SCN1B: variants seen among roughly 807,000 people sequenced by gnomAD.
SCN1B encodes sodium channel regulatory subunit beta-1.
SCN1B carries 11 observed loss-of-function variants against 25.7 expected under a neutral mutation model. That is an observed-to-expected ratio of 0.43 (90% CI 0.27 to 0.71). SCN1B has a LOEUF of 0.71. SCN1B is among the 30% of genes least tolerant of loss of function. The pLI is 0.21. For missense variants in SCN1B, 224 were observed against 291.5 expected, an observed-to-expected ratio of 0.77 and a Z score of 1.69; for synonymous variants, 119 against 117.5, an observed-to-expected ratio of 1.01 and a Z score of -0.08.
Position 35,030,730 on chromosome 19 carries a change from G to C in SCN1B, c.-91G>C. 1 of 407,908 alleles carries C rather than the reference G, an allele frequency of 2.5e-6. No individual in the cohort carries two copies. The highest frequency in any genetic ancestry group is 4.5e-6 in the Non-Finnish European group (1 of 222,816). 25.3% of individuals were successfully genotyped at this position (407,908 alleles called of 1,614,324 possible). A position where few individuals can be genotyped will look rare whatever the true frequency, so the allele number is the denominator to read the frequency against. On this transcript the variant is annotated 5_prime_UTR_variant, in exon 1 of 6. Transcript: ENST00000262631. ...GCTGCTGCGCCCGCGCGCTCCCGGG[G>C]ACATTCTAACCGCCGCCAGGTCCCG...
rs917553151 is a variant in SCN1B at position 35,032,304 on chromosome 19, C to A, written c.41-224C>A. Among the ~76,000 whole-genome samples the A allele has an allele frequency of 1.3e-5, 2 of 152,188 alleles. No homozygotes were observed. The highest frequency in any genetic ancestry group is 4.8e-5 in the African/African-American group (2 of 41,438). Reference sequence around the variant, plus strand: ...ACCTAATGTATGAAAATGGGCCCAGCCATTGCTGGAAGCAAAGGACCATTT... The same window carrying A: ...ACCTAATGTATGAAAATGGGCCCAGACATTGCTGGAAGCAAAGGACCATTT... On this transcript the variant is annotated intron_variant, in intron 1 of 5. Transcript: ENST00000262631. The surrounding 1 kb of genome is among the most constrained non-coding windows in gnomAD (Gnocchi z 4.3).
Position 35,033,480 on chromosome 19 carries a change from C to G in SCN1B, c.208-19C>G. On this transcript the variant is annotated intron_variant, in intron 2 of 5. Coordinates refer to ENST00000262631, the MANE Select transcript of SCN1B (RefSeq NM_001037.5). ...AGAGGCCCAGGCAGTGACACCTTCCCCTCCCTGGCTACCCCTAGATCCTGC... is the reference window on the plus strand; with the variant it reads ...AGAGGCCCAGGCAGTGACACCTTCCGCTCCCTGGCTACCCCTAGATCCTGC... 6.2e-7 allele frequency: 1 copy of G among 1,613,308 alleles called. No individual in the cohort carries two copies. The highest frequency in any genetic ancestry group is 8.5e-7 in the Non-Finnish European group (1 of 1,179,838).
rs140219033 is a variant in SCN1B at position 35,032,448 on chromosome 19, G to A, written c.41-80G>A. On this transcript the variant is annotated intron_variant, in intron 1 of 5. Transcript: ENST00000262631. The surrounding 1 kb of genome is among the most constrained non-coding windows in gnomAD (Gnocchi z 4.3). Reference sequence around the variant, plus strand: ...TGTCTGCTGGTAATCATTGAGGGGGGAACAGATGGTTTGTGAGGGGTCTGG... The same window carrying A: ...TGTCTGCTGGTAATCATTGAGGGGGAAACAGATGGTTTGTGAGGGGTCTGG... 9 of 1,533,764 alleles carry A rather than the reference G, an allele frequency of 5.9e-6. 1 individual carries two copies. Among genetic ancestry groups the A allele is most frequent in the East Asian group, 2.2e-5 (1 of 44,538 alleles).
At chr19:35,039,311 C>G in intron 4 of SCN1B, 53 bp downstream of exon 4, 3 of 1,604,212 alleles carry the variant, frequency 1.9e-6, no homozygotes, top group African/African-American at 1.3e-5. Context: ...GTCACACTTG[C>G]CAGAGAGGAA....
rs72550254 is a variant in SCN1B, at chr19:35,032,857, A to T, written c.207+163A>T. 1.3e-5 allele frequency among the ~76,000 whole-genome samples: 2 copies of T among 152,140 alleles called. No homozygotes were observed. Reference sequence around the variant, plus strand: ...CAGTGGCCAGCTGGTGACCTTGGCCAAGTCAGTGAGCCTCTCTGAAAGTCA... The same window carrying T: ...CAGTGGCCAGCTGGTGACCTTGGCCTAGTCAGTGAGCCTCTCTGAAAGTCA... On this transcript the variant is annotated intron_variant, in intron 2 of 5. Transcript: ENST00000262631. The surrounding 1 kb of genome is among the most constrained non-coding windows in gnomAD (Gnocchi z 4.3).
rs2278996 is a variant in SCN1B, at chr19:35,039,877, A to C, written c.*86A>C. The C allele has an allele frequency of 0.15, 103,593 of 673,772 alleles. 8,529 individuals are homozygous for C. The highest frequency in any genetic ancestry group is 0.21 in the East Asian group (7,702 of 36,496). 41.7% of individuals were successfully genotyped at this position (673,772 alleles called of 1,614,324 possible). A position where few individuals can be genotyped will look rare whatever the true frequency, so the allele number is the denominator to read the frequency against. On this transcript the variant is annotated 3_prime_UTR_variant, in exon 6 of 6. Transcript: ENST00000262631. Reference sequence around the variant, plus strand: ...GCCTGCCCCCAGCGTGGGGGTGGCCACTCCTGGGCCCCAGAAAGCCTCAGA... The same window carrying C: ...GCCTGCCCCCAGCGTGGGGGTGGCCCCTCCTGGGCCCCAGAAAGCCTCAGA...
At position 35,030,758 on chromosome 19, in the gene SCN1B, G is replaced by C; in HGVS notation, c.-63G>C. The C allele has an allele frequency of 1.9e-6, 1 of 539,878 alleles. No individual in the cohort carries two copies. The highest frequency in any genetic ancestry group is 2.9e-6 in the Non-Finnish European group (1 of 340,756). The allele number at this position is 539,878 out of a possible 1,614,324, so 33.4% of individuals were successfully genotyped here. ...ATTCTAACCGCCGCCAGGTCCCGCC[G>C]CCTCTCGCCCCGCTATTAATACCGG... On this transcript the variant is annotated 5_prime_UTR_variant, in exon 1 of 6. Transcript: ENST00000262631.
At position 35,040,302 on chromosome 19, in the gene SCN1B, T is replaced by C; in HGVS notation, c.*511T>C. On this transcript the variant is annotated 3_prime_UTR_variant, in exon 6 of 6. Transcript: ENST00000262631. ...CCGCTTCCTCCGGCTGGACCTGGGGTCCCCCCTCCCTGTAATGCACTCCTG... is the reference window on the plus strand; with the variant it reads ...CCGCTTCCTCCGGCTGGACCTGGGGCCCCCCCTCCCTGTAATGCACTCCTG... The C allele has an allele frequency of 6.0e-6, 1 of 167,574 alleles. No homozygotes were observed. The highest frequency in any genetic ancestry group is 1.4e-4 in the South Asian group (1 of 6,918). The allele number at this position is 167,574 out of a possible 1,614,324, so 10.4% of individuals were successfully genotyped here.
chr19:35,037,996 G>A (rs1026614440), intron 3 of SCN1B: 1 of 151,812 alleles, frequency 6.6e-6, no homozygotes, highest in Non-Finnish European at 1.5e-5. Context: ...ATGAATGAAG[G>A]AAGGAAGGAA....
intron 3 of SCN1B, chr19:35,038,683 C>A: frequency 3.7e-6 from 1 of 268,726 alleles, no homozygotes; most frequent in Non-Finnish European, 7.4e-6. Context: ...CACTGAGTGC[C>A]ATTTATAGAT....
rs564412569 is a variant in SCN1B at position 35,033,395 on chromosome 19, G to A, written c.208-104G>A. 20 of 1,583,550 alleles carry A rather than the reference G, an allele frequency of 1.3e-5. No individual in the cohort carries two copies. In the African/African-American group the frequency reaches 1.7e-4, roughly 14 times the overall value. ...GGTCAAGGTGTCTGAGCCCATCTGT[G>A]TGCCATCTGTGTTTGTGGGTGTCAG... On this transcript the variant is annotated intron_variant, in intron 2 of 5. Coordinates refer to ENST00000262631, the MANE Select transcript of SCN1B (RefSeq NM_001037.5).
chr19:35,036,090 A>G (rs2064245913), intron 3 of SCN1B: 1 of 148,044 alleles, frequency 6.8e-6, no homozygotes, highest in African/African-American at 2.5e-5. Flanking sequence ...ATGGTCTTGA[A>G]CTCCTGGCCT....
chr19:35,039,431 C>G (rs2064270540), intron 4 of SCN1B, 173 bp downstream of exon 4: 1 of 1,026,420 alleles, frequency 9.7e-7, no homozygotes, highest in African/African-American at 1.6e-5. Context: ...GTCGTCAGAC[C>G]CAGCCCCTTC....
Position 35,040,199 on chromosome 19 carries a change from G to C in SCN1B, c.*408G>C, listed in dbSNP as rs1169443827. 1 of 182,296 alleles carries C rather than the reference G, an allele frequency of 5.5e-6. No individual in the cohort carries two copies. Among genetic ancestry groups the C allele is most frequent in the Admixed American group, 5.4e-5 (1 of 18,552 alleles). 11.3% of individuals were successfully genotyped at this position (182,296 alleles called of 1,614,324 possible). On this transcript the variant is annotated 3_prime_UTR_variant, in exon 6 of 6. Transcript: ENST00000262631. Reference sequence around the variant, plus strand: ...CTCCCTGCCTGGCGGCAGGGGTCGCGATGATGGGCTGGAGCAGTTTGGGGC... The same window carrying C: ...CTCCCTGCCTGGCGGCAGGGGTCGCCATGATGGGCTGGAGCAGTTTGGGGC...
rs2064208679 is a variant in SCN1B at position 35,030,851 on chromosome 19, G to A, written c.31G>A (p.Ala11Thr). MGRLLALVVGAALVSSACGGC... is the reference protein window; with the variant it reads MGRLLALVVGTALVSSACGGC... ...GAGGCTGCTGGCCTTAGTGGTCGGC[G>A]CGGCACTGGGTGAGTGCGCGGGGGG... The change falls in exon 1 of 6, where the codon GCG becomes ACG. Residue 11 changes from alanine to threonine, a missense_variant. Ala to Thr is a moderately conservative substitution (Grantham distance 58). Around this residue, in one of 3 missense-constraint regions of SCN1B, gnomAD observed 46 missense variants for 35.8 expected, o/e 1.29. Transcript: ENST00000262631. 1 of 948,708 alleles carries A rather than the reference G, an allele frequency of 1.1e-6. No homozygotes were observed. The highest frequency in any genetic ancestry group is 1.3e-6 in the Non-Finnish European group (1 of 760,224). The allele number at this position is 948,708 out of a possible 1,614,324, so 58.8% of individuals were successfully genotyped here.
rs761207251 is a variant in SCN1B, at chr19:35,033,657, C to A, written c.366C>A (p.His122Gln). The A allele has an allele frequency of 3.7e-6, 6 of 1,614,084 alleles. No homozygotes were observed. Among genetic ancestry groups the A allele is most frequent in the Non-Finnish European group, 5.1e-6 (6 of 1,180,048 alleles). ...TYNHSGDYEC[H>Q]VYRLLFFENY... ...ACCACTCGGGCGACTACGAGTGCCA[C>A]GTCTACCGCCTGCTCTTCTTCGAAA... is the stretch of plus-strand genomic sequence containing the variant. Residue 122 changes from histidine (H) to glutamine (Q), a missense_variant, in exon 3 of 6, where the codon CAC becomes CAA. Physicochemically the swap from His to Gln is conservative, Grantham distance 24. Transcript: ENST00000262631.
At chr19:35,031,172 C>T (rs2064211179) in intron 1 of SCN1B, 1 of 146,856 alleles carries the variant, frequency 6.8e-6, no homozygotes, top group Non-Finnish European at 1.5e-5. Flanking sequence ...ACACCCACAG[C>T]CGCGGGAGGG....
In SCN1B at chr19:35,030,476, C is replaced by G. The variant is rs1165255919; in HGVS notation, c.-345C>G. 2 of 174,510 alleles carry G rather than the reference C, an allele frequency of 1.1e-5. No individual in the cohort carries two copies. The highest frequency in any genetic ancestry group is 2.4e-5 in the African/African-American group (1 of 41,484). 10.8% of individuals were successfully genotyped at this position (174,510 alleles called of 1,614,324 possible). A position where few individuals can be genotyped will look rare whatever the true frequency, so the allele number is the denominator to read the frequency against. On this transcript the variant is annotated 5_prime_UTR_variant, in exon 1 of 6. Transcript: ENST00000262631. ...CCGCCGCCGCCGCCGCTGCAGTGCGCAGGAGACCGCGGTCCGCGCCCGAGC... is the reference window on the plus strand; with the variant it reads ...CCGCCGCCGCCGCCGCTGCAGTGCGGAGGAGACCGCGGTCCGCGCCCGAGC...
At chr19:35,031,128 C>G (rs1276022506) in intron 1 of SCN1B, among the ~76,000 whole-genome samples, 2 of 149,728 alleles carry the variant, frequency 1.3e-5, no homozygotes, top group East Asian at 4.0e-4. Flanking sequence ...AACGCGGAGT[C>G]AGCTGCTCCC....
Sources: allele counts gnomAD v4.1 joint callset (sites outside exome capture counted in the v4.1 genomes callset), GRCh38; gene constraint gnomAD v4.1.1; regional missense constraint gnomAD v4.1.1; non-coding constraint Gnocchi (gnomAD v3.1); transcripts MANE v1.5; gene names NCBI Gene and HGNC (gene_info 2026-07-23, HGNC 2026-07-21).